The following PSD3 variants were observed in gnomAD, a reference collection of about 807,000 sequenced individuals.
PSD3 encodes pleckstrin and Sec7 domain containing 3.
In PSD3, 49 loss-of-function variants were observed where a neutral mutation model predicts 105.5. The ratio of observed to expected loss-of-function variants is 0.46; its 90% CI spans 0.37 to 0.59. The LOEUF (loss-of-function observed/expected upper bound fraction) is 0.59, where lower values mean the gene tolerates loss of function less well. Among genes scored for constraint, PSD3 ranks in the 20% least tolerant of loss-of-function variants. PSD3 has a pLI of 0.00. For synonymous variants in PSD3, 557 were observed against 457.8 expected (o/e 1.22, Z -2.77); for missense variants, 1,561 against 1,263.8 (o/e 1.24, Z -3.57).
intron 9 of PSD3, among the ~76,000 whole-genome samples, chr8:18,710,588 G>A (rs576229025): frequency 3.3e-5 from 5 of 152,180 alleles, no homozygotes; most frequent in South Asian, 4.1e-4. Context: ...GGGAGCCAGG[G>A]AAAAAGGCCA....
intron 1 of PSD3, chr8:18,989,353 T>C (rs1431292263): frequency 1.3e-4 from 20 of 152,138 alleles, no homozygotes; most frequent in Non-Finnish European, 1.5e-5. Context: ...CAGAATGAGT[T>C]TTGGAAAGGA....
chr8:18,929,277 G>A (rs930023), intron 2 of PSD3, among the ~76,000 whole-genome samples: 16,608 of 150,996 alleles, frequency 0.11, 956 homozygotes, highest in Middle Eastern at 0.25. Flanking sequence ...TATAACCATA[G>A]ACAAAATAAC....
intron 10 of PSD3, among the ~76,000 whole-genome samples, chr8:18,649,894 T>C (rs542584872): frequency 6.6e-6 from 1 of 152,326 alleles, no homozygotes; most frequent in East Asian, 1.9e-4. Flanking sequence ...CCTCCTGTCA[T>C]GACTGAAAGT....
intron 10 of PSD3, among the ~76,000 whole-genome samples, chr8:18,634,663 G>T (rs1441887014): frequency 6.6e-6 from 1 of 152,102 alleles, no homozygotes; most frequent in Non-Finnish European, 1.5e-5. Flanking sequence ...GTATTGGTCA[G>T]TTATCTTGTA....
intron 1 of PSD3, among the ~76,000 whole-genome samples, chr8:18,983,181 A>C (rs1378956602): frequency 6.6e-6 from 1 of 152,170 alleles, no homozygotes; most frequent in Admixed American, 6.5e-5. Context: ...CTAGCTTCCA[A>C]TTTTTCTTCT....
intron 8 of PSD3, among the ~76,000 whole-genome samples, chr8:18,772,644 G>A (rs1040218434): frequency 6.6e-6 from 1 of 152,114 alleles, no homozygotes; most frequent in African/African-American, 2.4e-5. Flanking sequence ...AAGTAGCTGG[G>A]ATTACAGGTG....
chr8:18,707,502 G>A (rs10888158), intron 9 of PSD3, among the ~76,000 whole-genome samples: 16,115 of 152,094 alleles, frequency 0.11, 1,684 homozygotes, highest in African/African-American at 0.26. Context: ...ACACACACTT[G>A]CTACTACTGC....
At chr8:18,724,066 G>T (rs1396640077) in intron 9 of PSD3, among the ~76,000 whole-genome samples, 3 of 152,126 alleles carry the variant, frequency 2.0e-5, no homozygotes, top group African/African-American at 7.2e-5. Flanking sequence ...GAGGGTTAAT[G>T]ATAATAGACA....
chr8:18,873,986 T>C (rs900102500), intron 2 of PSD3, among the ~76,000 whole-genome samples: 14 of 152,172 alleles, frequency 9.2e-5, no homozygotes, highest in Non-Finnish European at 1.8e-4. Flanking sequence ...AAACTTTCAA[T>C]TGGGGGTTTA....
At chr8:19,055,605 G>C (rs1828685232) in intron 1 of PSD3, among the ~76,000 whole-genome samples, 1 of 152,168 alleles carries the variant, frequency 6.6e-6, no homozygotes, top group African/African-American at 2.4e-5. Context: ...TGGGAGAAAG[G>C]ACTAAGCTAT....
intron 9 of PSD3, among the ~76,000 whole-genome samples, chr8:18,703,977 A>T (rs1302051960): frequency 6.6e-6 from 1 of 152,172 alleles, no homozygotes; most frequent in African/African-American, 2.4e-5. Flanking sequence ...ATCCACGAAA[A>T]AGGGAAAAAA....
chr8:18,656,680 T>C (rs1376244276), intron 9 of PSD3, among the ~76,000 whole-genome samples: 1 of 152,162 alleles, frequency 6.6e-6, no homozygotes, highest in Non-Finnish European at 1.5e-5. Flanking sequence ...AAGGTCCTTG[T>C]AGTCAGCTTG....
chr8:18,532,341 T>A lies in PSD3; in HGVS notation c.*3402A>T, dbSNP rs914701032. On this transcript the variant is annotated 3_prime_UTR_variant, in exon 16 of 16. Transcript: ENST00000327040. The stretch of plus-strand genomic sequence containing the variant: ...GTGAAATACAAACCTATCTTAGCCT[T>A]GGAAAGCCACCCAGATTTTCCTCTT... The A allele has an allele frequency of 2.0e-5, 3 of 152,182 alleles. No individual in the cohort carries two copies. Among genetic ancestry groups the A allele is most frequent in the Non-Finnish European group, 4.4e-5 (3 of 68,028 alleles). 9.4% of individuals were successfully genotyped at this position (152,182 alleles called of 1,614,324 possible). A position where few individuals can be genotyped will look rare whatever the true frequency, so the allele number is the denominator to read the frequency against.
intron 4 of PSD3, among the ~76,000 whole-genome samples, chr8:18,840,656 C>G (rs1022976142): frequency 6.6e-6 from 1 of 152,168 alleles, no homozygotes; most frequent in African/African-American, 2.4e-5. Flanking sequence ...TCCCATAACA[C>G]GGCAGGCCAG....
At chr8:18,619,947 C>T (rs1805982932) in intron 11 of PSD3, among the ~76,000 whole-genome samples, 1 of 152,144 alleles carries the variant, frequency 6.6e-6, no homozygotes, top group African/African-American at 2.4e-5. Context: ...TAGGCCTTTC[C>T]CAGATGTAGG....
intron 9 of PSD3, among the ~76,000 whole-genome samples, chr8:18,728,098 G>A (rs1283328329): frequency 3.3e-5 from 5 of 151,994 alleles, no homozygotes; most frequent in Admixed American, 3.3e-4. Flanking sequence ...GTAGAAGAGA[G>A]AGTGTTAAAC....
At position 18,613,764 on chromosome 8, in the gene PSD3, C is replaced by T. The variant is rs563749188; in HGVS notation, c.2411-13330G>A. 3.3e-5 allele frequency among the ~76,000 whole-genome samples: 5 copies of T among 152,306 alleles called. No homozygotes were observed. In the South Asian group the frequency reaches 1.0e-3, roughly 32 times the overall value. ...TCCATTCTCAGGGCTGCCTGCACCA[C>T]TGGCAACCTTGCAAAACAACCCAGT... On this transcript the variant is annotated intron_variant, in intron 11 of 15. Transcript: ENST00000327040.
At chr8:18,603,686 T>C (rs1804600875) in intron 11 of PSD3, among the ~76,000 whole-genome samples, 1 of 152,126 alleles carries the variant, frequency 6.6e-6, no homozygotes, top group Non-Finnish European at 1.5e-5. Context: ...TGGGAGGTGA[T>C]TGGGTCATGT....
intron 15 of PSD3, among the ~76,000 whole-genome samples, chr8:18,549,680 T>C (rs755107601): frequency 2.6e-5 from 4 of 152,362 alleles, no homozygotes; most frequent in Non-Finnish European, 5.9e-5. Context: ...TATTTACCTG[T>C]TTCTTTCAAT....
Sources: gnomAD v4.1 joint callset for allele counts (sites outside exome capture counted in the v4.1 genomes callset) on GRCh38, gnomAD v4.1.1 for gene constraint, MANE v1.5 for transcripts, NCBI Gene and HGNC (gene_info 2026-07-23, HGNC 2026-07-21) for gene names.